Variants in RASGRP3 observed in about 807,000 individuals in gnomAD.
The protein encoded by RASGRP3 is ras guanyl-releasing protein 3.
In RASGRP3, 54 loss-of-function variants were observed where a neutral mutation model predicts 82.7. The ratio of observed to expected loss-of-function variants is 0.65; its 90% CI spans 0.52 to 0.82. RASGRP3 has a LOEUF of 0.82. RASGRP3 is among the 40% of genes least tolerant of loss of function. RASGRP3 has a pLI of 0.00. For missense variants in RASGRP3, 861 were observed against 828.9 expected, an observed-to-expected ratio of 1.04 and a Z score of -0.48; for synonymous variants, 309 against 300.5, an observed-to-expected ratio of 1.03 and a Z score of -0.29.
rs901786313 is a variant in RASGRP3, at chr2:33,437,401, A to C, written c.-385+810A>C. ...GCCATTAAACAAGCACATTTGTTTA[A>C]ATGATGCACCATATTTGCATCCGCT... On this transcript the variant is annotated intron_variant, in intron 1 of 18. Transcript: ENST00000402538. Among the ~76,000 whole-genome samples, 5 of 152,362 alleles carry C rather than the reference A, an allele frequency of 3.3e-5. No individual in the cohort carries two copies. In the East Asian group the frequency reaches 9.6e-4, roughly 29 times the overall value.
chr2:33,560,528 G>T (rs960092386), intron 17 of RASGRP3, among the ~76,000 whole-genome samples: 3 of 152,180 alleles, frequency 2.0e-5, no homozygotes, highest in African/African-American at 7.2e-5. Flanking sequence ...TCTGGGAAGA[G>T]GAGTCCATGC....
intron 16 of RASGRP3, 108 bp from the exon 17 acceptor site, chr2:33,558,564 G>C (rs1358598365): frequency 2.6e-6 from 3 of 1,150,076 alleles, no homozygotes; most frequent in East Asian, 2.5e-5. Context: ...GTCCCTTGTC[G>C]GTTCCTCTAG....
At chr2:33,455,352 G>A (rs1167642969) in intron 2 of RASGRP3, among the ~76,000 whole-genome samples, 2 of 152,180 alleles carry the variant, frequency 1.3e-5, no homozygotes, top group East Asian at 3.8e-4. Context: ...TCCCTTGAGT[G>A]GATTAAGTCA....
At chr2:33,464,464 C>CT (rs1666568725) in intron 2 of RASGRP3, among the ~76,000 whole-genome samples, 1 of 134,994 alleles carries the variant, frequency 7.4e-6, no homozygotes, top group Non-Finnish European at 1.6e-5. Context: ...GATCTGTGAT[C>CT]AGTGATCTTT....
At position 33,562,760 on chromosome 2, in the gene RASGRP3, G is replaced by T. The variant is rs1366383944; in HGVS notation, c.*23G>T. 1 of 1,612,626 alleles carries T rather than the reference G, an allele frequency of 6.2e-7. No individual in the cohort carries two copies. The highest frequency in any genetic ancestry group is 1.7e-5 in the Admixed American group (1 of 60,016). On this transcript the variant is annotated 3_prime_UTR_variant, in exon 18 of 18. Coordinates refer to ENST00000403687, the MANE Select transcript of RASGRP3 (RefSeq NM_001139488.2). ...TGACTTCAGGCTGCGGAAACTGAAG[G>T]CAATAATGTTGGCTTTTGGAAGGGG... is the stretch of plus-strand genomic sequence containing the variant.
intron 12 of RASGRP3, chr2:33,539,987 G>GA (rs78684398): frequency 6.7e-4 from 77 of 114,706 alleles, no homozygotes; most frequent in East Asian, 6.3e-3. Flanking sequence ...GACTCCGTCT[G>GA]AAAAAAAAAA....
In RASGRP3 at chr2:33,543,572, A is replaced by G. The variant is rs1352009569; in HGVS notation, c.1339A>G (p.Ser447Gly). ...DGYISQEDFE[S>G]IAANFPFLDS... The stretch of plus-strand genomic sequence containing the variant: ...GTACATTTCCCAAGAGGACTTTGAA[A>G]GTATAGCTGCCAATTTTCCCTTCTT... The change falls in exon 13 of 18, where the codon AGT (serine) becomes GGT (glycine). Residue 447 changes from serine to glycine, a missense_variant. Physicochemically the swap from Ser to Gly is moderately conservative, Grantham distance 56. Coordinates refer to ENST00000403687, the MANE Select transcript of RASGRP3 (RefSeq NM_001139488.2). The G allele has an allele frequency of 6.2e-7, 1 of 1,612,426 alleles. No homozygotes were observed. The highest frequency in any genetic ancestry group is 1.7e-5 in the Admixed American group (1 of 59,974).
chr2:33,467,148 C>G (rs191737027), intron 2 of RASGRP3, among the ~76,000 whole-genome samples: 1 of 152,078 alleles, frequency 6.6e-6, no homozygotes, highest in Non-Finnish European at 1.5e-5. Flanking sequence ...ACATGTTCCT[C>G]TTTTCTCCCA....
chr2:33,480,541 C>T (rs1270235952), intron 1 of RASGRP3, among the ~76,000 whole-genome samples: 1 of 152,088 alleles, frequency 6.6e-6, no homozygotes. Flanking sequence ...GTGAAGTGGA[C>T]TCAGAATCAC....
intron 11 of RASGRP3, among the ~76,000 whole-genome samples, chr2:33,538,513 A>AATAC (rs1252291202): frequency 6.4e-4 from 97 of 151,718 alleles, no homozygotes; most frequent in African/African-American, 2.3e-3. Context: ...AAAATAAATA[A>AATAC]ATAAATAAAT....
chr2:33,467,778 A>C (rs548956780), intron 2 of RASGRP3, among the ~76,000 whole-genome samples: 4 of 152,300 alleles, frequency 2.6e-5, no homozygotes, highest in African/African-American at 9.6e-5. Flanking sequence ...ATTTCTACCT[A>C]AGGCGGTGGC....
Position 33,563,441 on chromosome 2 carries a change from G to A in RASGRP3, c.*704G>A, listed in dbSNP as rs957870975. The A allele has an allele frequency of 3.3e-5, 5 of 152,120 alleles. No individual in the cohort carries two copies. The highest frequency in any genetic ancestry group is 7.4e-5 in the Non-Finnish European group (5 of 68,012). 9.4% of individuals were successfully genotyped at this position (152,120 alleles called of 1,614,324 possible). ...CTTACCAATTCTGCGTCACTAGGAA[G>A]CTATAGCATGGTCGTGAAAGCTCTC... On this transcript the variant is annotated 3_prime_UTR_variant, in exon 18 of 18. Transcript: ENST00000403687.
At chr2:33,549,780 G>A in intron 14 of RASGRP3, 29 bp downstream of exon 14, 1 of 1,605,762 alleles carries the variant, frequency 6.2e-7, no homozygotes, top group Non-Finnish European at 8.5e-7. Context: ...GTTTTCTTAT[G>A]TGTGTAGTTA....
chr2:33,471,534 G>C (rs1462433183), intron 2 of RASGRP3, among the ~76,000 whole-genome samples: 1 of 151,518 alleles, frequency 6.6e-6, no homozygotes. Flanking sequence ...GTTAGTCTGT[G>C]GTTTTCTTTA....
rs10652330 is a variant in RASGRP3, at chr2:33,505,153, TCAC to T, written c.-260-6533_-260-6531del. On this transcript the variant is annotated intron_variant, in intron 1 of 17. Coordinates refer to ENST00000403687, the MANE Select transcript of RASGRP3 (RefSeq NM_001139488.2). ...ATCATCACCATCATCATCATCATCA[TCAC>T]CACCACCACCACCACCACCACCATT... Among the ~76,000 whole-genome samples, 25 of 150,040 alleles carry T rather than the reference TCAC, an allele frequency of 1.7e-4. 1 individual carries two copies. The highest frequency in any genetic ancestry group is 3.4e-3 in the Middle Eastern group (1 of 294).
At chr2:33,555,411 GC>G in intron 14 of RASGRP3, 119 bp from the exon 15 acceptor site, 1 of 719,748 alleles carries the variant, frequency 1.4e-6, no homozygotes, top group Non-Finnish European at 2.3e-6. Flanking sequence ...GTTAAAAGTG[GC>G]TACATCCTGT....
chr2:33,446,378 C>T (rs577989517), intron 1 of RASGRP3, among the ~76,000 whole-genome samples: 4 of 152,160 alleles, frequency 2.6e-5, no homozygotes, highest in East Asian at 1.9e-4. Context: ...AGGATGGTCT[C>T]GATCTCCTGA....
At chr2:33,462,856 T>G (rs7569627) in intron 2 of RASGRP3, among the ~76,000 whole-genome samples, 24,972 of 152,254 alleles carry the variant, frequency 0.16, 2,387 homozygotes, top group African/African-American at 0.27. Flanking sequence ...ATACTAATGC[T>G]TGAATAGAAA....
intron 11 of RASGRP3, among the ~76,000 whole-genome samples, chr2:33,535,751 C>A (rs973413263): frequency 7.2e-5 from 11 of 152,104 alleles, no homozygotes; most frequent in African/African-American, 2.7e-4. Flanking sequence ...GAGTGAGGAC[C>A]CAGACTCTTT....
Sources: allele counts gnomAD v4.1 joint callset (sites outside exome capture counted in the v4.1 genomes callset), GRCh38; gene constraint gnomAD v4.1.1; transcripts MANE v1.5; gene names NCBI Gene and HGNC (gene_info 2026-07-23, HGNC 2026-07-21).